SGCD: variants seen among roughly 807,000 people sequenced by gnomAD.
SGCD encodes delta-sarcoglycan.
Under a neutral mutation model 36.6 loss-of-function variants are expected in SGCD, and 18 were observed. The ratio of observed to expected loss-of-function variants is 0.49; its 90% confidence interval spans 0.34 to 0.73. The LOEUF (loss-of-function observed/expected upper bound fraction) is 0.73, where lower values mean the gene tolerates loss of function less well. Among genes scored for constraint, SGCD ranks in the 30% least tolerant of loss-of-function variants. The probability of loss-of-function intolerance (pLI) is 0.01; values close to 1 mark genes in which losing one functional copy is unlikely to be tolerated. For missense variants in SGCD, 387 were observed against 346.7 expected (o/e 1.12, Z -0.92); for synonymous variants, 133 against 130.6 (o/e 1.02, Z -0.12).
At position 156,193,881 on chromosome 5, in the gene SGCD, T is replaced by C. The variant is rs554373010; in HGVS notation, c.-44+69862T>C. On this transcript the variant is annotated intron_variant, in intron 3 of 9. Transcript: ENST00000517913. ...AGGTTGATTCTGATGGCTGCATGAA[T>C]GGCAACACTCATGTTGTTGACATCC... Among the ~76,000 whole-genome samples the C allele has an allele frequency of 4.6e-5, 7 of 152,322 alleles. 1 individual carries two copies. In the East Asian group the frequency reaches 1.3e-3, roughly 29 times the overall value.
At chr5:156,308,673 C>T (rs1280551924) in intron 3 of SGCD, among the ~76,000 whole-genome samples, 1 of 152,092 alleles carries the variant, frequency 6.6e-6, no homozygotes, top group Non-Finnish European at 1.5e-5. Flanking sequence ...GGGGAAAATC[C>T]ACACCCATGA....
rs535486215 is a variant in SGCD at position 156,165,938 on chromosome 5, A to G, written c.-44+41919A>G. 1.3e-4 allele frequency among the ~76,000 whole-genome samples: 20 copies of G among 152,354 alleles called. No individual in the cohort carries two copies. The South Asian group carries it at 3.7e-3, about 28-fold the overall frequency. Reference sequence around the variant, plus strand: ...GTTTGAAGTTTTTAGGAAATAGCAAAAAGTTTTTTGACGGAGATGCTTAAG... The same window carrying G: ...GTTTGAAGTTTTTAGGAAATAGCAAGAAGTTTTTTGACGGAGATGCTTAAG... On this transcript the variant is annotated intron_variant, in intron 3 of 9. Coordinates refer to the SGCD transcript ENST00000517913.
chr5:156,322,671 G>A (rs1314250824), upstream of SGCD, among the ~76,000 whole-genome samples: 1 of 152,134 alleles, frequency 6.6e-6, no homozygotes, highest in Non-Finnish European at 1.5e-5. Flanking sequence ...GCAATTTCTA[G>A]GAAACAGTAA....
At chr5:156,333,453 CA>C (rs1390319680) in intron 2 of SGCD, among the ~76,000 whole-genome samples, 1 of 152,126 alleles carries the variant, frequency 6.6e-6, no homozygotes, top group African/African-American at 2.4e-5. Context: ...AATACAATCA[CA>C]AAAATATTGT....
At chr5:156,113,970 G>C (rs948405003) in intron 1 of SGCD, among the ~76,000 whole-genome samples, 2 of 152,116 alleles carry the variant, frequency 1.3e-5, no homozygotes, top group Non-Finnish European at 1.5e-5. Flanking sequence ...AAAAACTTTG[G>C]AGATGGTAGT....
chr5:156,386,642 T>C (rs1771290142), intron 3 of SGCD, among the ~76,000 whole-genome samples: 2 of 152,378 alleles, frequency 1.3e-5, no homozygotes, highest in Non-Finnish European at 2.9e-5. Flanking sequence ...TGTGGAAATA[T>C]TTTCAGAAGT....
intron 3 of SGCD, among the ~76,000 whole-genome samples, chr5:156,152,389 A>T (rs1167307029): frequency 6.6e-6 from 1 of 151,624 alleles, no homozygotes; most frequent in Non-Finnish European, 1.5e-5. Context: ...ATAAGTCCTG[A>T]TTCTGTACAT....
intron 1 of SGCD, among the ~76,000 whole-genome samples, chr5:156,111,233 G>A (rs929865745): frequency 2.6e-5 from 4 of 152,154 alleles, no homozygotes; most frequent in Non-Finnish European, 4.4e-5. Context: ...GCACTAAGAC[G>A]AGACAGAGAG....
At chr5:156,680,332 G>C (rs1318089131) in intron 7 of SGCD, among the ~76,000 whole-genome samples, 1 of 152,084 alleles carries the variant, frequency 6.6e-6, no homozygotes, top group Non-Finnish European at 1.5e-5. Context: ...TTTAATCTCT[G>C]CTTTGTGTTC....
At chr5:156,365,435 A>G (rs563565370) in intron 3 of SGCD, among the ~76,000 whole-genome samples, 5 of 152,312 alleles carry the variant, frequency 3.3e-5, no homozygotes, top group African/African-American at 1.2e-4. Context: ...TCCTCCCCTC[A>G]CCAGGAGTTC....
intron 1 of SGCD, among the ~76,000 whole-genome samples, chr5:156,100,235 T>G (rs1761489443): frequency 3.3e-5 from 5 of 152,106 alleles, no homozygotes; most frequent in African/African-American, 9.7e-5. Flanking sequence ...CCAAAAAACA[T>G]TCATTCTGTT....
chr5:156,115,061 A>G (rs897454064), intron 1 of SGCD, among the ~76,000 whole-genome samples: 2 of 152,118 alleles, frequency 1.3e-5, no homozygotes, highest in Non-Finnish European at 2.9e-5. Flanking sequence ...GCAAATCTTA[A>G]GATTTTGCAA....
In SGCD at chr5:156,727,123, C is replaced by T. The variant is rs190784720; in HGVS notation, c.576-30458C>T. ...AGCCAGGGAGAGAAATTGGGCTCAA[C>T]TCTAAACACTGCAAGTTGGGAATGT... On this transcript the variant is annotated intron_variant, in intron 7 of 8. Coordinates refer to ENST00000337851, the MANE Select transcript of SGCD (RefSeq NM_000337.6). Among the ~76,000 whole-genome samples the T allele has an allele frequency of 9.9e-5, 15 of 152,284 alleles. No individual in the cohort carries two copies. In the East Asian group the frequency reaches 2.5e-3, roughly 25 times the overall value.
intron 3 of SGCD, among the ~76,000 whole-genome samples, chr5:156,465,264 C>T (rs774224566): frequency 8.5e-5 from 13 of 152,142 alleles, no homozygotes; most frequent in Non-Finnish European, 1.9e-4. Context: ...GTATGAATTA[C>T]TGGGGAGCCA....
chr5:155,838,804 A>G, the SGCD span, among the ~76,000 whole-genome samples: 1 of 150,342 alleles, frequency 6.7e-6, no homozygotes, highest in East Asian at 1.9e-4. Context: ...AATTCAATCT[A>G]CTTATTTTTT....
intron 3 of SGCD, among the ~76,000 whole-genome samples, chr5:156,269,588 C>T (rs1246582948): frequency 6.6e-6 from 1 of 151,386 alleles, no homozygotes; most frequent in Non-Finnish European, 1.5e-5. Context: ...CAACTACCTC[C>T]CACTGGGTCC....
chr5:156,687,383 C>T (rs1753940852), intron 7 of SGCD, among the ~76,000 whole-genome samples: 1 of 152,096 alleles, frequency 6.6e-6, no homozygotes, highest in Admixed American at 6.6e-5. Context: ...CTTTTCATTC[C>T]ATGTTATTTT....
chr5:156,450,363 G>A (rs1046639441), intron 3 of SGCD, among the ~76,000 whole-genome samples: 3 of 152,016 alleles, frequency 2.0e-5, no homozygotes, highest in African/African-American at 7.3e-5. Context: ...TAGGTCCTAT[G>A]CACACTGGAT....
chr5:156,641,509 G>A (rs1477606935), intron 6 of SGCD, among the ~76,000 whole-genome samples: 1 of 152,132 alleles, frequency 6.6e-6, no homozygotes, highest in Non-Finnish European at 1.5e-5. Flanking sequence ...AAATATCATG[G>A]GAGATTAAAC....
Sources: allele counts gnomAD v4.1 joint callset (sites outside exome capture counted in the v4.1 genomes callset), GRCh38; gene constraint gnomAD v4.1.1; transcripts MANE v1.5; gene names NCBI Gene and HGNC (gene_info 2026-07-23, HGNC 2026-07-21).